Variants in PDS5B observed in about 807,000 individuals in gnomAD.
PDS5B encodes PDS5 cohesin associated factor B, also known as sister chromatid cohesion protein PDS5 homolog B.
PDS5B carries 51 observed loss-of-function variants against 184.1 expected under a neutral mutation model. That is an observed-to-expected ratio of 0.28 (90% CI 0.22 to 0.35). The LOEUF (loss-of-function observed/expected upper bound fraction) is 0.35, where lower values mean the gene tolerates loss of function less well. PDS5B is among the 10% of genes least tolerant of loss of function. PDS5B has a pLI of 1.00. For missense variants in PDS5B, 1,180 were observed against 1,723.3 expected (o/e 0.68, Z 5.58); for synonymous variants, 566 against 569.2 (o/e 0.99, Z 0.08).
chr13:32,603,294 G>A (rs887393887), intron 1 of PDS5B, among the ~76,000 whole-genome samples: 10 of 152,332 alleles, frequency 6.6e-5, no homozygotes, highest in African/African-American at 9.6e-5. Context: ...AAGGGATCCA[G>A]TTTCAGCTTT....
At chr13:32,654,101 A>AT (rs1449148005) in intron 3 of PDS5B, among the ~76,000 whole-genome samples, 1 of 152,150 alleles carries the variant, frequency 6.6e-6, no homozygotes, top group Non-Finnish European at 1.5e-5. Flanking sequence ...TTTCTGATGA[A>AT]TTTTTGAGTC....
intron 1 of PDS5B, among the ~76,000 whole-genome samples, chr13:32,617,378 C>T (rs2058235164): frequency 6.6e-6 from 1 of 152,170 alleles, no homozygotes; most frequent in Admixed American, 6.5e-5. Flanking sequence ...ATATCTACAA[C>T]ACAGACATAC....
At position 32,687,049 on chromosome 13, in the gene PDS5B, A is replaced by G. The variant is rs1593427992; in HGVS notation, c.1204-85A>G. 4 of 1,065,240 alleles carry G rather than the reference A, an allele frequency of 3.8e-6. No homozygotes were observed. In the East Asian group the frequency reaches 1.0e-4, roughly 27 times the overall value. 66.0% of individuals were successfully genotyped at this position (1,065,240 alleles called of 1,614,324 possible). ...TTAAAAAAATGTATAAAGGGAAGGAAAACACAAAACTAGGAAACTAGACTT... is the reference window on the plus strand; with the variant it reads ...TTAAAAAAATGTATAAAGGGAAGGAGAACACAAAACTAGGAAACTAGACTT... On this transcript the variant is annotated intron_variant, in intron 11 of 34. Transcript: ENST00000315596.
At chr13:32,627,211 T>C (rs1454374547) in intron 1 of PDS5B, among the ~76,000 whole-genome samples, 1 of 152,228 alleles carries the variant, frequency 6.6e-6, no homozygotes, top group East Asian at 1.9e-4. Context: ...GTGAATTTGC[T>C]GTGATATCTA....
intron 31 of PDS5B, among the ~76,000 whole-genome samples, chr13:32,766,462 A>T (rs1472316726): frequency 6.6e-6 from 1 of 152,182 alleles, no homozygotes; most frequent in Non-Finnish European, 1.5e-5. Context: ...ATAATGTGTA[A>T]CGTTAGGTCC....
At chr13:32,678,780 C>T in intron 9 of PDS5B, 55 bp from the exon 10 acceptor site, 1 of 981,554 alleles carries the variant, frequency 1.0e-6, no homozygotes, top group Non-Finnish European at 1.6e-6. Flanking sequence ...ACAGATTTAA[C>T]ACATGTCTGT....
intron 19 of PDS5B, among the ~76,000 whole-genome samples, chr13:32,719,226 A>C (rs1952583921): frequency 6.6e-6 from 1 of 152,152 alleles, no homozygotes; most frequent in African/African-American, 2.4e-5. Context: ...TCTGTTACCT[A>C]GACTGGAGTG....
At chr13:32,754,600 T>TA (rs1480544910) in intron 25 of PDS5B, among the ~76,000 whole-genome samples, 1 of 152,086 alleles carries the variant, frequency 6.6e-6, no homozygotes, top group Non-Finnish European at 1.5e-5. Context: ...TTTCCTTCCT[T>TA]ACGCTGGAAA....
chr13:32,635,300 A>T (rs1168897485), intron 1 of PDS5B, among the ~76,000 whole-genome samples: 4 of 139,098 alleles, frequency 2.9e-5, no homozygotes, highest in Non-Finnish European at 6.1e-5. Flanking sequence ...GGCCTCCCAA[A>T]GTGCTGGGAT....
chr13:32,732,561 T>A (rs1953163041), intron 20 of PDS5B, among the ~76,000 whole-genome samples: 1 of 152,114 alleles, frequency 6.6e-6, no homozygotes, highest in Non-Finnish European at 1.5e-5. Context: ...ATTTGTAGGA[T>A]CAAAAAATTT....
In PDS5B at chr13:32,745,988, T is replaced by G; in HGVS notation, c.2624T>G (p.Met875Arg). Residue 875 changes from methionine (M) to arginine (R), a missense_variant, in exon 24 of 35, where the codon ATG becomes AGG. Met to Arg is a moderately conservative substitution (Grantham distance 91, BLOSUM62 -1). Around this residue, in one of 11 missense-constraint regions of PDS5B, gnomAD observed 475 missense variants for 691.5 expected, o/e 0.69. Coordinates refer to ENST00000315596, the MANE Select transcript of PDS5B (RefSeq NM_015032.4). Reference sequence around the variant, plus strand: ...TACTCATTTTTCAGTAAACCAGATATGTCACGTCTGAGACTTGCTGCTGGG... The same window carrying G: ...TACTCATTTTTCAGTAAACCAGATAGGTCACGTCTGAGACTTGCTGCTGGG... ...TEQGKISKPD[M>R]SRLRLAAGSA... 6.2e-7 allele frequency: 1 copy of G among 1,612,268 alleles called. No homozygotes were observed. Among genetic ancestry groups the G allele is most frequent in the Non-Finnish European group, 8.5e-7 (1 of 1,178,338 alleles).
At chr13:32,760,540 A>C in intron 29 of PDS5B, 35 bp from the exon 30 acceptor site, 1 of 1,603,326 alleles carries the variant, frequency 6.2e-7, no homozygotes, top group African/African-American at 1.3e-5. Context: ...TTTGGCTTTA[A>C]CCAAATAAAA....
intron 3 of PDS5B, among the ~76,000 whole-genome samples, chr13:32,655,781 T>C (rs951248108): frequency 2.0e-5 from 3 of 152,200 alleles, no homozygotes; most frequent in African/African-American, 7.2e-5. Flanking sequence ...TCCCATTCTG[T>C]AGGTTGTCTC....
chr13:32,755,579 C>T (rs1484563152), intron 25 of PDS5B, among the ~76,000 whole-genome samples: 1 of 152,042 alleles, frequency 6.6e-6, no homozygotes, highest in African/African-American at 2.4e-5. Flanking sequence ...TTTTTGTAGC[C>T]TCAGCCCATG....
chr13:32,657,869 A>G (rs1339992854), intron 3 of PDS5B, among the ~76,000 whole-genome samples: 1 of 152,176 alleles, frequency 6.6e-6, no homozygotes. Flanking sequence ...TAATTACCAT[A>G]TATTTTACTG....
intron 25 of PDS5B, 147 bp downstream of exon 25, chr13:32,753,683 AATATGAAGGTCATTT>A: frequency 3.5e-6 from 2 of 577,050 alleles, no homozygotes; most frequent in Non-Finnish European, 6.0e-6. Context: ...CTTTTCATTT[AATATGAAGGTCATTT>A]AAAAAATGCA....
Position 32,666,300 on chromosome 13 carries a change from C to T in PDS5B, c.625-1464C>T, listed in dbSNP as rs1302265947. Among the ~76,000 whole-genome samples, 13 of 152,196 alleles carry T rather than the reference C, an allele frequency of 8.5e-5. No homozygotes were observed. The East Asian group carries it at 2.5e-3, about 29-fold the overall frequency. On this transcript the variant is annotated intron_variant, in intron 6 of 34. Coordinates refer to ENST00000315596, the MANE Select transcript of PDS5B (RefSeq NM_015032.4). The stretch of plus-strand genomic sequence containing the variant: ...GCCATGTTGACCAGGCTTGGTCTCG[C>T]ACTCCTGGCCTCAGGTGATCCACCT...
At chr13:32,611,302 A>G (rs971849881) in intron 1 of PDS5B, among the ~76,000 whole-genome samples, 3 of 151,696 alleles carry the variant, frequency 2.0e-5, no homozygotes, top group African/African-American at 4.8e-5. Context: ...TACTTCTTTT[A>G]TTATCCCAAA....
intron 19 of PDS5B, 27 bp downstream of exon 19, chr13:32,710,133 T>G (rs906053585): frequency 5.8e-6 from 8 of 1,387,544 alleles, no homozygotes; most frequent in Non-Finnish European, 6.7e-6. Flanking sequence ...TTCAAAAATA[T>G]TCTGGACATC....
Sources: allele counts gnomAD v4.1 joint callset (sites outside exome capture counted in the v4.1 genomes callset), GRCh38; gene constraint gnomAD v4.1.1; regional missense constraint gnomAD v4.1.1; transcripts MANE v1.5; gene names NCBI Gene and HGNC (gene_info 2026-07-23, HGNC 2026-07-21).